RNF128: variants seen among roughly 807,000 people sequenced by gnomAD.
RNF128 encodes the protein ring finger protein 128, also known as E3 ubiquitin-protein ligase RNF128.
In RNF128, 13 loss-of-function variants were observed where a neutral mutation model predicts 26.2. That is an observed-to-expected ratio of 0.50 (90% confidence interval 0.32 to 0.79). The LOEUF is 0.79. Ranked by LOEUF, RNF128 falls within the 30% of genes least tolerant of loss-of-function variation. RNF128 has a pLI of 0.03. For missense variants in RNF128, 315 were observed against 349.7 expected (o/e 0.90, Z 0.79); for synonymous variants, 149 against 142.5 (o/e 1.05, Z -0.32).
intron 5 of RNF128, 70 bp downstream of exon 5, chrX:106,790,352 C>A: frequency 2.7e-6 from 2 of 753,547 alleles, no homozygotes. Flanking sequence ...AAAATAACAT[C>A]CTTATTTTTT....
chrX:106,775,352 A>T (rs1368748595), intron 2 of RNF128, among the ~76,000 whole-genome samples: 1 of 112,145 alleles, frequency 8.9e-6, no homozygotes, highest in African/African-American at 3.2e-5. Flanking sequence ...AAATTTATTG[A>T]CATGGCATTA....
rs764020902 is a variant in RNF128 at position 106,791,165 on chromosome X, G to A, written c.1084G>A (p.Ala362Thr). The A allele has an allele frequency of 3.3e-6, 4 of 1,206,979 alleles. No homozygotes were observed. Among genetic ancestry groups the A allele is most frequent in the Admixed American group, 2.2e-5 (1 of 45,467 alleles). ...SHEEDNRSET[A>T]SSGYASVQGT... is the part of the protein sequence containing the mutation. ...TGAAGAGGATAATCGCAGCGAGACC[G>A]CATCATCTGGATATGCTTCAGTACA... is the stretch of plus-strand genomic sequence containing the variant. The change falls in exon 6 of 7, where the codon GCA becomes ACA. Residue 362 changes from alanine to threonine, a missense_variant. Ala to Thr is a moderately conservative substitution (Grantham distance 58, BLOSUM62 0). Coordinates refer to ENST00000255499, the MANE Select transcript of RNF128 (RefSeq NM_194463.2).
intron 1 of RNF128, among the ~76,000 whole-genome samples, chrX:106,766,779 A>C (rs927801635): frequency 9.0e-6 from 1 of 111,721 alleles, no homozygotes; most frequent in Non-Finnish European, 1.9e-5. Context: ...TTGGTCATGA[A>C]GTCCTTGCCC....
Position 106,788,440 on chromosome X carries a change from AT to A in RNF128, c.887+442del, listed in dbSNP as rs1930721759. On this transcript the variant is annotated intron_variant, in intron 4 of 6. Transcript: ENST00000255499. ...TATAATATATATTATATATAATATT[AT>A]TATAATTATAATATATATAATATTA... Among the ~76,000 whole-genome samples the A allele has an allele frequency of 8.8e-5, 4 of 45,545 alleles. No individual in the cohort carries two copies. In the Admixed American group the frequency reaches 1.3e-3, roughly 15 times the overall value. 39.6% of individuals were successfully genotyped at this position (45,545 alleles called of 115,157 possible).
intron 1 of RNF128, among the ~76,000 whole-genome samples, chrX:106,736,519 C>A (rs1341893616): frequency 4.5e-5 from 5 of 111,455 alleles, no homozygotes; most frequent in Admixed American, 2.9e-4. Flanking sequence ...GATTCCACTT[C>A]TTTTGATGTA....
chrX:106,710,557 A>G (rs912082241), intron 1 of RNF128, among the ~76,000 whole-genome samples: 2 of 110,598 alleles, frequency 1.8e-5, no homozygotes, highest in Non-Finnish European at 3.8e-5. Flanking sequence ...CAGGGGTTTG[A>G]GACCAGCCTA....
intron 1 of RNF128, among the ~76,000 whole-genome samples, chrX:106,718,563 A>C (rs1053870794): frequency 6.6e-5 from 7 of 105,265 alleles, no homozygotes; most frequent in African/African-American, 2.4e-4. Context: ...CAGCTAAGGG[A>C]GATGTGATTT....
At chrX:106,771,200 G>C (rs1283760055) in intron 1 of RNF128, among the ~76,000 whole-genome samples, 2 of 112,722 alleles carry the variant, frequency 1.8e-5, no homozygotes, top group Non-Finnish European at 3.8e-5. Context: ...CTACTGAGGG[G>C]TCAGGGACCC....
chrX:106,786,840 A>C (rs1315481187), intron 3 of RNF128, among the ~76,000 whole-genome samples: 2 of 111,618 alleles, frequency 1.8e-5, no homozygotes, highest in Non-Finnish European at 3.8e-5. Flanking sequence ...GCAAATAAAC[A>C]CATAAAAGAT....
chrX:106,726,461 T>C (rs1477597757), upstream of RNF128, among the ~76,000 whole-genome samples: 1 of 112,096 alleles, frequency 8.9e-6, no homozygotes, highest in African/African-American at 3.2e-5. Context: ...CAAAACCGAC[T>C]CGAATCCTGC....
intron 1 of RNF128, among the ~76,000 whole-genome samples, chrX:106,744,879 AAGGGGTCCTG>A (rs1363911090): frequency 9.8e-5 from 11 of 112,142 alleles, no homozygotes; most frequent in African/African-American, 3.6e-4. Flanking sequence ...AAAGAGTGTA[AAGGGGTCCTG>A]AGACCAAAAA....
At chrX:106,696,816 T>C (rs934136663) in intron 1 of RNF128, among the ~76,000 whole-genome samples, 1 of 111,773 alleles carries the variant, frequency 8.9e-6, no homozygotes, top group African/African-American at 3.3e-5. Context: ...AGACCTGTAG[T>C]TTAAAAAGGT....
At chrX:106,793,728 C>T (rs1023317173) in intron 6 of RNF128, among the ~76,000 whole-genome samples, 1 of 110,582 alleles carries the variant, frequency 9.0e-6, no homozygotes, top group African/African-American at 3.3e-5. Context: ...TTGGGCTAGT[C>T]TGCTGTTTCC....
chrX:106,767,732 C>T (rs1417076874), intron 1 of RNF128, among the ~76,000 whole-genome samples: 8 of 111,018 alleles, frequency 7.2e-5, no homozygotes, highest in Admixed American at 5.8e-4. Flanking sequence ...ATTGCCCTGG[C>T]TAGAACTTCC....
At chrX:106,721,750 A>T (rs16986268), upstream of RNF128, among the ~76,000 whole-genome samples, 13,852 of 111,383 alleles carry the variant, frequency 0.12, 2,153 homozygotes, top group African/African-American at 0.43. Flanking sequence ...CAGAGGGAAA[A>T]TAGTTAAGTC....
chrX:106,735,097 T>C (rs1929570974), intron 1 of RNF128, among the ~76,000 whole-genome samples: 1 of 111,761 alleles, frequency 8.9e-6, no homozygotes, highest in Non-Finnish European at 1.9e-5. Context: ...CCATGCACCA[T>C]AGCACGTAGT....
chrX:106,752,415 G>T (rs1929910725), intron 1 of RNF128, among the ~76,000 whole-genome samples: 1 of 112,150 alleles, frequency 8.9e-6, no homozygotes, highest in Non-Finnish European at 1.9e-5. Context: ...GTAATCCAGG[G>T]AATTCTCCTA....
rs560776140 is a variant in RNF128 at position 106,730,539 on chromosome X, C to T, written c.484+3142C>T. The stretch of plus-strand genomic sequence containing the variant: ...TAAAATGTAAGATTGTCACGAGACA[C>T]GTTAAGCATGTTCTCACTATTGCAC... On this transcript the variant is annotated intron_variant, in intron 1 of 6. Transcript: ENST00000255499. 1.2e-4 allele frequency among the ~76,000 whole-genome samples: 14 copies of T among 112,147 alleles called. 1 individual carries two copies. Among genetic ancestry groups the T allele is most frequent in the African/African-American group, 4.2e-4 (13 of 30,927 alleles).
chrX:106,767,927 G>A (rs760758298), intron 1 of RNF128, among the ~76,000 whole-genome samples: 46 of 111,769 alleles, frequency 4.1e-4, no homozygotes, highest in African/African-American at 1.3e-3. Flanking sequence ...AGCATGAAGC[G>A]CTGTTGAATT....
Sources: gnomAD v4.1 joint callset for allele counts (sites outside exome capture counted in the v4.1 genomes callset) on GRCh38, gnomAD v4.1.1 for gene constraint, MANE v1.5 for transcripts, NCBI Gene and HGNC (gene_info 2026-07-23, HGNC 2026-07-21) for gene names.